Variants in XKR4 observed in about 807,000 individuals in gnomAD.
XKR4 encodes the protein XK-related protein 4.
Under a neutral mutation model 53.9 loss-of-function variants are expected in XKR4, and 12 were observed. The ratio of observed to expected loss-of-function variants is 0.22; its 90% CI spans 0.14 to 0.36. XKR4 has a LOEUF of 0.36. XKR4 is among the 10% of genes least tolerant of loss of function. The pLI is 1.00. For synonymous variants in XKR4, 354 were observed against 362.4 expected (o/e 0.98, Z 0.26); for missense variants, 799 against 859.5 (o/e 0.93, Z 0.88).
intron 1 of XKR4, among the ~76,000 whole-genome samples, chr8:55,347,512 C>A (rs1343321505): frequency 6.6e-6 from 1 of 152,276 alleles, no homozygotes; most frequent in East Asian, 1.9e-4. Flanking sequence ...TTCTTGGTGA[C>A]CTTTGTGATG....
At chr8:55,375,557 C>T (rs1481437068) in intron 2 of XKR4, among the ~76,000 whole-genome samples, 1 of 152,184 alleles carries the variant, frequency 6.6e-6, no homozygotes. Context: ...TCCTCTCACC[C>T]AGGCTGCCCC....
intron 2 of XKR4, among the ~76,000 whole-genome samples, chr8:55,461,302 C>T (rs1805654114): frequency 6.6e-6 from 1 of 152,222 alleles, no homozygotes; most frequent in Non-Finnish European, 1.5e-5. Flanking sequence ...CAGGCAGCAG[C>T]ATTTGCAATT....
intron 1 of XKR4, among the ~76,000 whole-genome samples, chr8:55,184,173 A>T (rs1158521483): frequency 6.6e-6 from 1 of 152,150 alleles, no homozygotes; most frequent in African/African-American, 2.4e-5. Context: ...AGTGTTTGCA[A>T]TGCTGGGTTT....
chr8:55,135,889 C>CTTT (rs71256514), intron 1 of XKR4, among the ~76,000 whole-genome samples: 11 of 146,026 alleles, frequency 7.5e-5, no homozygotes, highest in Non-Finnish European at 1.1e-4. Context: ...AACATGCTCA[C>CTTT]TTTTTTTTTT....
intron 1 of XKR4, among the ~76,000 whole-genome samples, chr8:55,118,602 A>G (rs1158285106): frequency 6.6e-6 from 1 of 152,248 alleles, no homozygotes; most frequent in African/African-American, 2.4e-5. Flanking sequence ...AGTATCAGAT[A>G]CAGCTAGTCT....
chr8:55,361,358 G>A (rs921578315), intron 2 of XKR4, among the ~76,000 whole-genome samples: 10 of 152,208 alleles, frequency 6.6e-5, no homozygotes, highest in East Asian at 1.9e-4. Context: ...ACTCGACCGC[G>A]GAGATGGACC....
intron 1 of XKR4, among the ~76,000 whole-genome samples, chr8:55,209,862 C>A (rs539408410): frequency 6.6e-6 from 1 of 152,284 alleles, no homozygotes; most frequent in South Asian, 2.1e-4. Flanking sequence ...GTATGAGAAC[C>A]CATGCCTTTT....
At chr8:55,249,339 T>C (rs1818334538) in intron 1 of XKR4, among the ~76,000 whole-genome samples, 1 of 152,190 alleles carries the variant, frequency 6.6e-6, no homozygotes, top group African/African-American at 2.4e-5. Context: ...TTTTGGAGGG[T>C]GTTTAGCAAC....
At chr8:55,260,905 T>A (rs1403997320) in intron 1 of XKR4, among the ~76,000 whole-genome samples, 2 of 152,204 alleles carry the variant, frequency 1.3e-5, no homozygotes, top group Non-Finnish European at 2.9e-5. Context: ...GCTGCCAGCA[T>A]TCACCTGTGC....
intron 2 of XKR4, among the ~76,000 whole-genome samples, chr8:55,380,275 GA>G (rs1477369318): frequency 6.6e-6 from 1 of 152,142 alleles, no homozygotes; most frequent in Admixed American, 6.5e-5. Context: ...GGCATCCTGG[GA>G]AAAAAATCAG....
At chr8:55,112,699 G>A (rs1585884678) in intron 1 of XKR4, among the ~76,000 whole-genome samples, 1 of 148,912 alleles carries the variant, frequency 6.7e-6, no homozygotes, top group East Asian at 2.0e-4. Context: ...CACTGTATCA[G>A]TGTGACGGTA....
At position 55,522,910 on chromosome 8, in the gene XKR4, A is replaced by T. The variant is rs41436844; in HGVS notation, c.1007-371A>T. 5.5e-3 allele frequency among the ~76,000 whole-genome samples: 831 copies of T among 152,272 alleles called. 6 individuals are homozygous for T. Among genetic ancestry groups the T allele is most frequent in the African/African-American group, 0.018 (746 of 41,542 alleles). On this transcript the variant is annotated intron_variant, in intron 2 of 2. Coordinates refer to ENST00000327381, the MANE Select transcript of XKR4 (RefSeq NM_052898.2). ...TGGGTGAGCCTTAGAGAAGACAGATACGAGGATCCCCATCTGAGTTAAAAC... is the reference window on the plus strand; with the variant it reads ...TGGGTGAGCCTTAGAGAAGACAGATTCGAGGATCCCCATCTGAGTTAAAAC...
intron 2 of XKR4, among the ~76,000 whole-genome samples, chr8:55,430,263 T>C (rs563438304): frequency 6.6e-6 from 1 of 152,206 alleles, no homozygotes; most frequent in East Asian, 1.9e-4. Flanking sequence ...AAATGAAACA[T>C]TAAAATAGCA....
chr8:55,390,554 A>C (rs1195532694), intron 2 of XKR4, among the ~76,000 whole-genome samples: 1 of 152,218 alleles, frequency 6.6e-6, no homozygotes, highest in Non-Finnish European at 1.5e-5. Context: ...TCCCTCCATT[A>C]GAAGCTGTAT....
At chr8:55,379,580 G>T (rs181370022) in intron 2 of XKR4, among the ~76,000 whole-genome samples, 6 of 152,178 alleles carry the variant, frequency 3.9e-5, no homozygotes, top group East Asian at 1.9e-4. Flanking sequence ...CAACAAATGC[G>T]CTCTGGGGCA....
intron 1 of XKR4, among the ~76,000 whole-genome samples, chr8:55,219,011 C>CTTT (rs5891562): frequency 0.33 from 47,679 of 145,768 alleles, 9,333 homozygotes; most frequent in Middle Eastern, 0.45. Flanking sequence ...TAGAAGCAGT[C>CTTT]TTTTTTTTTT....
At chr8:55,419,108 G>A (rs1414661887) in intron 2 of XKR4, among the ~76,000 whole-genome samples, 2 of 152,220 alleles carry the variant, frequency 1.3e-5, no homozygotes, top group South Asian at 2.1e-4. Flanking sequence ...AAGAGGGCCA[G>A]GCACGGTGGC....
At chr8:55,348,752 A>C (rs1299277962) in intron 1 of XKR4, among the ~76,000 whole-genome samples, 2 of 152,068 alleles carry the variant, frequency 1.3e-5, no homozygotes, top group African/African-American at 4.8e-5. Context: ...AAAGAGACAG[A>C]AAGATACAGA....
At chr8:55,500,479 G>A (rs902556911) in intron 2 of XKR4, among the ~76,000 whole-genome samples, 2 of 152,170 alleles carry the variant, frequency 1.3e-5, no homozygotes, top group African/African-American at 4.8e-5. Flanking sequence ...CAGCATGTTA[G>A]ACATACAGCT....
Sources: gnomAD v4.1 joint callset for allele counts (sites outside exome capture counted in the v4.1 genomes callset) on GRCh38, gnomAD v4.1.1 for gene constraint, MANE v1.5 for transcripts, NCBI Gene and HGNC (gene_info 2026-07-23, HGNC 2026-07-21) for gene names.